The following MYO18B variants were observed in gnomAD, a reference collection of about 807,000 sequenced individuals.
MYO18B encodes myosin XVIIIB.
MYO18B carries 204 observed loss-of-function variants against 273.0 expected under a neutral mutation model. That is an observed-to-expected ratio of 0.75 (90% confidence interval 0.67 to 0.84). The LOEUF is 0.84. Among genes scored for constraint, MYO18B ranks in the 40% least tolerant of loss-of-function variants. MYO18B has a pLI of 0.00. For synonymous variants in MYO18B, 1,330 were observed against 1,305.7 expected (o/e 1.02, Z -0.40); for missense variants, 3,212 against 3,287.6 (o/e 0.98, Z 0.56).
chr22:25,917,188 A>G (rs2092274052), intron 33 of MYO18B, among the ~76,000 whole-genome samples: 3 of 152,248 alleles, frequency 2.0e-5, no homozygotes, highest in Admixed American at 2.0e-4. Flanking sequence ...AGCATAAACC[A>G]TAAAGGAAAA....
intron 35 of MYO18B, among the ~76,000 whole-genome samples, chr22:25,946,888 C>T (rs1040150062): frequency 3.9e-5 from 6 of 152,086 alleles, no homozygotes; most frequent in African/African-American, 9.7e-5. Flanking sequence ...CTGTGCTCAC[C>T]CCTGAATGGG....
rs149071191 is a variant in MYO18B, at chr22:26,000,540, A to G, written c.6288-2725A>G. ...CCCATGTGGTTTAATACTTCTCAGG[A>G]GCAGACAGTACAAAGCTCCCCACTG... On this transcript the variant is annotated intron_variant, in intron 40 of 43. Coordinates refer to ENST00000335473, the MANE Select transcript of MYO18B (RefSeq NM_032608.7). 2.5e-3 allele frequency among the ~76,000 whole-genome samples: 371 copies of G among 150,484 alleles called. 6 individuals carry two copies. Among genetic ancestry groups the G allele is most frequent in the Admixed American group, 0.02 (310 of 15,154 alleles).
Position 25,995,185 on chromosome 22 carries a change from A to G in MYO18B, c.6287+2692A>G, listed in dbSNP as rs1933096862. Among the ~76,000 whole-genome samples, 8 of 152,244 alleles carry G rather than the reference A, an allele frequency of 5.3e-5. No individual in the cohort carries two copies. In the South Asian group the frequency reaches 1.7e-3, roughly 31 times the overall value. On this transcript the variant is annotated intron_variant, in intron 40 of 43. Coordinates refer to ENST00000335473, the MANE Select transcript of MYO18B (RefSeq NM_032608.7). ...TTATGTTAAGTGAAATAAGCCAGAC[A>G]CAGAAAGAGAAACATCGCATATTCT...
intron 11 of MYO18B, among the ~76,000 whole-genome samples, chr22:25,795,296 T>C (rs1218341743): frequency 6.6e-6 from 1 of 152,250 alleles, no homozygotes; most frequent in African/African-American, 2.4e-5. Flanking sequence ...ATTGGCTCTC[T>C]GGAAATTTAA....
rs749307272 is a variant in MYO18B at position 25,835,420 on chromosome 22, A to C, written c.3185A>C (p.Glu1062Ala). 1 of 1,613,822 alleles carries C rather than the reference A, an allele frequency of 6.2e-7. No individual in the cohort carries two copies. The highest frequency in any genetic ancestry group is 8.5e-7 in the Non-Finnish European group (1 of 1,179,862). Reference protein sequence around the residue: ...VVLERLCAAFEKKGAGTEGSS... With the variant: ...VVLERLCAAFAKKGAGTEGSS... ...CTCGAGCGTCTGTGTGCTGCTTTCG[A>C]GAAGAAAGGAGCTGGGACTGAAGGT... The change falls in exon 17 of 44, where the codon GAG becomes GCG. Residue 1062 changes from glutamate (E) to alanine (A), a missense_variant. Transcript: ENST00000335473.
the MYO18B span, among the ~76,000 whole-genome samples, chr22:26,058,107 C>A: frequency 6.6e-6 from 1 of 152,148 alleles, no homozygotes; most frequent in Non-Finnish European, 1.5e-5. Flanking sequence ...AAAACAAGCA[C>A]AAAATGAATG....
At chr22:25,798,556 TTC>T (rs1235918111) in intron 12 of MYO18B, among the ~76,000 whole-genome samples, 1 of 151,806 alleles carries the variant, frequency 6.6e-6, no homozygotes, top group Non-Finnish European at 1.5e-5. Flanking sequence ...CTGTGTTTTT[TTC>T]TTTTTCTTTT....
rs1217676244 is a variant in MYO18B at position 26,026,742 on chromosome 22, G to T, written c.6768G>T (p.Gly2256=). 1.2e-6 allele frequency: 2 copies of T among 1,613,198 alleles called. No individual in the cohort carries two copies. Among genetic ancestry groups the T allele is most frequent in the Admixed American group, 3.3e-5 (2 of 59,920 alleles). The part of the protein sequence containing the change: ...PSAALSEFVE[G]LRRKRAQRGQ... ...CGGCCCTCTCGGAGTTCGTGGAAGG[G>T]CTCCGGAGGAAGAGAGCCCAGAGAG... The change falls in exon 43 of 44, where the codon GGG becomes GGT. Residue 2256 remains glycine (G), a synonymous_variant. Coordinates refer to ENST00000335473, the MANE Select transcript of MYO18B (RefSeq NM_032608.7).
At chr22:25,764,749 A>G (rs2086445295) in intron 3 of MYO18B, among the ~76,000 whole-genome samples, 2 of 152,214 alleles carry the variant, frequency 1.3e-5, no homozygotes, top group Non-Finnish European at 2.9e-5. Context: ...GGCTGTTGTT[A>G]GGTTATGATG....
At chr22:25,905,225 A>G (rs776937308) in intron 31 of MYO18B, among the ~76,000 whole-genome samples, 2 of 152,178 alleles carry the variant, frequency 1.3e-5, no homozygotes, top group Non-Finnish European at 2.9e-5. Flanking sequence ...TGCTCCAACA[A>G]GATGGAGCCT....
At chr22:25,947,565 T>A in intron 35 of MYO18B, 147 bp from the exon 36 acceptor site, 17 of 449,476 alleles carry the variant, frequency 3.8e-5, no homozygotes, top group Non-Finnish European at 5.1e-5. Context: ...ACCTACCACA[T>A]GCATTGGTAA....
rs117493047 is a variant in MYO18B, at chr22:25,907,379, T to C, written c.5149-943T>C. Among the ~76,000 whole-genome samples the C allele has an allele frequency of 1.3e-4, 20 of 152,326 alleles. No individual in the cohort carries two copies. The East Asian group carries it at 3.7e-3, about 28-fold the overall frequency. ...TTCTTGTTTGAAAGACCCAGCTCATTCATGGGATCACAGCTCTTAATTATG... is the reference window on the plus strand; with the variant it reads ...TTCTTGTTTGAAAGACCCAGCTCATCCATGGGATCACAGCTCTTAATTATG... On this transcript the variant is annotated intron_variant, in intron 31 of 43. Transcript: ENST00000335473.
intron 39 of MYO18B, among the ~76,000 whole-genome samples, chr22:25,984,117 G>T (rs1187475645): frequency 6.7e-6 from 1 of 149,678 alleles, no homozygotes; most frequent in African/African-American, 2.5e-5. Context: ...GGTAGGTGAG[G>T]TGTACACAAT....
intron 40 of MYO18B, among the ~76,000 whole-genome samples, chr22:25,993,730 G>A (rs1215903874): frequency 1.3e-5 from 2 of 152,102 alleles, no homozygotes; most frequent in Non-Finnish European, 2.9e-5. Flanking sequence ...GGGACTTGTG[G>A]GTGCGAGACA....
chr22:25,909,264 A>G (rs796224912), intron 32 of MYO18B, among the ~76,000 whole-genome samples: 3 of 152,326 alleles, frequency 2.0e-5, no homozygotes, highest in African/African-American at 7.2e-5. Flanking sequence ...CATGTACTCT[A>G]TAAGACCTTC....
At chr22:25,887,637 A>G (rs1358194805) in intron 25 of MYO18B, among the ~76,000 whole-genome samples, 1 of 152,106 alleles carries the variant, frequency 6.6e-6, no homozygotes, top group African/African-American at 2.4e-5. Flanking sequence ...TCAATTTGCA[A>G]TCGCCTGACA....
chr22:25,904,265 G>C (rs2091995314), intron 31 of MYO18B, among the ~76,000 whole-genome samples: 1 of 152,112 alleles, frequency 6.6e-6, no homozygotes. Context: ...CCTAGAATGA[G>C]GCCAGGTACA....
In MYO18B at chr22:25,760,282, G is replaced by A. The variant is rs545345607; in HGVS notation, c.-109-702G>A. ...TATAAAAAATTAGCCGGGTGTGGTG[G>A]CATACACCTGTAATCCCAGCTACTC... On this transcript the variant is annotated intron_variant, in intron 1 of 43. Transcript: ENST00000335473. Among the ~76,000 whole-genome samples, 598 of 152,016 alleles carry A rather than the reference G, an allele frequency of 3.9e-3. 6 individuals are homozygous for A. The highest frequency in any genetic ancestry group is 0.016 in the South Asian group (78 of 4,806).
At chr22:25,872,803 C>A (rs1438764122) in intron 22 of MYO18B, among the ~76,000 whole-genome samples, 1 of 152,112 alleles carries the variant, frequency 6.6e-6, no homozygotes, top group Non-Finnish European at 1.5e-5. Flanking sequence ...GTAAGTGCCC[C>A]CTAAATGTTA....
Sources: gnomAD v4.1 joint callset for allele counts (sites outside exome capture counted in the v4.1 genomes callset) on GRCh38, gnomAD v4.1.1 for gene constraint, MANE v1.5 for transcripts, NCBI Gene and HGNC (gene_info 2026-07-23, HGNC 2026-07-21) for gene names.